MIEF2: variants seen among roughly 807,000 people sequenced by gnomAD.
MIEF2 encodes the protein mitochondrial elongation factor 2.
In MIEF2, 1 loss-of-function variant was observed where a neutral mutation model predicts 7.4. That is an observed-to-expected ratio of 0.14 (90% CI 0.05 to 0.64). The LOEUF is 0.64. MIEF2 is among the 30% of genes least tolerant of loss of function. The pLI, the probability that MIEF2 is intolerant of heterozygous loss-of-function variation, is 0.85. For missense variants in MIEF2, 569 were observed against 623.9 expected (o/e 0.91, Z 0.94); for synonymous variants, 275 against 290.5 (o/e 0.95, Z 0.54).
At position 18,264,767 on chromosome 17, in the gene MIEF2, G is replaced by T; in HGVS notation, c.*3G>T. ...AGGAGCCCGAGGGGCTGCTCTAGGTGGGTGGAAACGGGTGGTTGCCATGTT... is the reference window on the plus strand; with the variant it reads ...AGGAGCCCGAGGGGCTGCTCTAGGTTGGTGGAAACGGGTGGTTGCCATGTT... On this transcript the variant is annotated 3_prime_UTR_variant, in exon 4 of 4. Transcript: ENST00000323019. 1 of 1,589,958 alleles carries T rather than the reference G, an allele frequency of 6.3e-7. No individual in the cohort carries two copies. Among genetic ancestry groups the T allele is most frequent in the South Asian group, 1.1e-5 (1 of 90,180 alleles).
intron 3 of MIEF2, 32 bp from the exon 4 acceptor site, chr17:18,263,678 T>C (rs757826826): frequency 6.2e-5 from 94 of 1,523,114 alleles, no homozygotes; most frequent in East Asian, 1.6e-4. Flanking sequence ...CACAGGCTGT[T>C]CCGACATGTT....
At chr17:18,263,520 G>A (rs2142905197) in intron 3 of MIEF2, 190 bp from the exon 4 acceptor site, 1 of 883,768 alleles carries the variant, frequency 1.1e-6, no homozygotes, top group South Asian at 1.6e-5. Context: ...CCAGGGTGTT[G>A]GACTCTGGGG....
chr17:18,263,416 G>A (rs1426149254), intron 3 of MIEF2, 168 bp downstream of exon 3: 3 of 1,048,982 alleles, frequency 2.9e-6, no homozygotes, highest in Admixed American at 3.9e-5. Flanking sequence ...CTGGAGCAAG[G>A]TGGTAGCGTT....
Position 18,264,027 on chromosome 17 carries a change from G to A in MIEF2, c.628G>A (p.Val210Met), listed in dbSNP as rs768197641. The A allele has an allele frequency of 5.8e-6, 9 of 1,557,646 alleles. No individual in the cohort carries two copies. Among genetic ancestry groups the A allele is most frequent in the Non-Finnish European group, 7.8e-6 (9 of 1,155,200 alleles). The change falls in exon 4 of 4, where the codon GTG (valine) becomes ATG (methionine). Residue 210 changes from valine to methionine, a missense_variant. Val to Met is a conservative substitution (Grantham distance 21, BLOSUM62 1). Coordinates refer to ENST00000323019, the MANE Select transcript of MIEF2 (RefSeq NM_139162.4). ...LVLEPGLWSL[V>M]PGVDTVARDP... ...GCTGGAGCCGGGCCTGTGGAGCCTG[G>A]TGCCGGGCGTGGACACTGTGGCGAG...
In MIEF2 at chr17:18,261,140, G is replaced by A. The variant is rs948245842; in HGVS notation, c.-8+403G>A. 180 of 1,551,540 alleles carry A rather than the reference G, an allele frequency of 1.2e-4. No homozygotes were observed. Among genetic ancestry groups the A allele is most frequent in the Non-Finnish European group, 1.5e-4 (176 of 1,146,976 alleles). On this transcript the variant is annotated intron_variant, in intron 1 of 3. Transcript: ENST00000323019. ...GCCTGCGCGACCCCGCCAGAGATGG[G>A]GCTGAGTCCCAATTTAGACAGGTTG... is the stretch of plus-strand genomic sequence containing the variant.
intron 1 of MIEF2, among the ~76,000 whole-genome samples, chr17:18,261,639 C>T (rs1024293308): frequency 2.0e-5 from 3 of 152,244 alleles, no homozygotes; most frequent in African/African-American, 7.2e-5. Flanking sequence ...AGATCTTTGC[C>T]TCCACTTCCC....
In MIEF2 at chr17:18,264,036, G is replaced by A. The variant is rs772818705; in HGVS notation, c.637G>A (p.Val213Met). The change falls in exon 4 of 4, where the codon GTG becomes ATG. Residue 213 changes from valine to methionine, a missense_variant. Coordinates refer to ENST00000323019, the MANE Select transcript of MIEF2 (RefSeq NM_139162.4). ...EPGLWSLVPG[V>M]DTVARDPRCW... ...GGGCCTGTGGAGCCTGGTGCCGGGC[G>A]TGGACACTGTGGCGAGGGACCCTCG... is the stretch of plus-strand genomic sequence containing the variant. The A allele has an allele frequency of 7.7e-6, 12 of 1,554,348 alleles. No individual in the cohort carries two copies. The highest frequency in any genetic ancestry group is 2.4e-5 in the South Asian group (2 of 85,042).
intron 3 of MIEF2, chr17:18,263,509 G>T (rs376158288): frequency 2.6e-5 from 22 of 860,744 alleles, no homozygotes; most frequent in Non-Finnish European, 4.0e-5. Context: ...AGCTGTTGTC[G>T]CCAGGGTGTT....
rs888356336 is a variant in MIEF2 at position 18,263,877 on chromosome 17, C to T, written c.478C>T (p.Leu160=). The stretch of plus-strand genomic sequence containing the variant: ...GCTGGCTGGCGACATCGCCCTGGAG[C>T]TGCAGGCCTACTTTCGGAGCAAGTT... The part of the protein sequence containing the change: ...KQLAGDIALE[L]QAYFRSKFPE... The change falls in exon 4 of 4, where the codon CTG becomes TTG. Residue 160 remains leucine, a synonymous_variant. Transcript: ENST00000323019. The T allele has an allele frequency of 6.2e-7, 1 of 1,603,904 alleles. No homozygotes were observed. Among genetic ancestry groups the T allele is most frequent in the South Asian group, 1.1e-5 (1 of 91,072 alleles).
intron 1 of MIEF2, 28 bp from the exon 2 acceptor site, chr17:18,262,680 CTGAGCT>C (rs1231957164): frequency 6.5e-7 from 1 of 1,543,676 alleles, no homozygotes; most frequent in Non-Finnish European, 8.7e-7. Flanking sequence ...CCACCTGCAC[CTGAGCT>C]GCCCCTTCAC....
In MIEF2 at chr17:18,263,176, C is replaced by T. The variant is rs1445599320; in HGVS notation, c.238C>T (p.Leu80=). The T allele has an allele frequency of 6.2e-7, 1 of 1,613,636 alleles. No homozygotes were observed. Among genetic ancestry groups the T allele is most frequent in the South Asian group, 1.1e-5 (1 of 91,088 alleles). Residue 80 remains leucine, a synonymous_variant, in exon 3 of 4, where the codon CTG becomes TTG. Transcript: ENST00000323019. Reference sequence around the variant, plus strand: ...GAGCCTGCTCAAGGCCACACCACACCTGCAGCCCCGGCCTCCACCTGCTGC... The same window carrying T: ...GAGCCTGCTCAAGGCCACACCACACTTGCAGCCCCGGCCTCCACCTGCTGC... ...ELSLLKATPH[L]QPRPPPAALS...
Position 18,260,701 on chromosome 17 carries a change from T to G in MIEF2, c.-44T>G, listed in dbSNP as rs1275561705. On this transcript the variant is annotated 5_prime_UTR_variant, in exon 1 of 4. Transcript: ENST00000323019. ...CTGAGCTCCGGGGCCGTGGTCCCGCTGCCTCCTCCGGTCGTCGTGCGGAAG... is the reference window on the plus strand; with the variant it reads ...CTGAGCTCCGGGGCCGTGGTCCCGCGGCCTCCTCCGGTCGTCGTGCGGAAG... The G allele has an allele frequency of 4.9e-6, 1 of 202,904 alleles. No homozygotes were observed. Among genetic ancestry groups the G allele is most frequent in the Non-Finnish European group, 1.0e-5 (1 of 98,856 alleles). 12.6% of individuals were successfully genotyped at this position (202,904 alleles called of 1,614,324 possible). A position where few individuals can be genotyped will look rare whatever the true frequency, so the allele number is the denominator to read the frequency against.
chr17:18,263,195 C>T lies in MIEF2; in HGVS notation c.257C>T (p.Pro86Leu). ...ATPHLQPRPP[P>L]AALSQPVLPL... ...CCACACCTGCAGCCCCGGCCTCCAC[C>T]TGCTGCCCTTAGCCAGCCAGTGTTG... The change falls in exon 3 of 4, where the codon CCT (proline) becomes CTT (leucine). Residue 86 changes from proline (P) to leucine (L), a missense_variant. By Grantham distance (98) the Pro-to-Leu change is moderately conservative (BLOSUM62 -3). Transcript: ENST00000323019. 6.2e-7 allele frequency: 1 copy of T among 1,613,634 alleles called. No individual in the cohort carries two copies. The highest frequency in any genetic ancestry group is 2.2e-5 in the East Asian group (1 of 44,888).
intron 3 of MIEF2, 77 bp downstream of exon 3, chr17:18,263,325 G>A (rs779584683): frequency 6.4e-7 from 1 of 1,574,336 alleles, no homozygotes; most frequent in Non-Finnish European, 8.7e-7. Flanking sequence ...CTGACTGTGT[G>A]ACCCTGCGCG....
At chr17:18,261,850 G>A (rs183547565) in intron 1 of MIEF2, among the ~76,000 whole-genome samples, 1 of 152,222 alleles carries the variant, frequency 6.6e-6, no homozygotes, top group Non-Finnish European at 1.5e-5. Flanking sequence ...GGCCCAGAGA[G>A]CCCCCTGTAC....
In MIEF2 at chr17:18,264,788, A is replaced by G. The variant is rs374897344; in HGVS notation, c.*24A>G. The G allele has an allele frequency of 1.3e-6, 2 of 1,582,730 alleles. No homozygotes were observed. Among genetic ancestry groups the G allele is most frequent in the African/African-American group, 2.7e-5 (2 of 74,210 alleles). On this transcript the variant is annotated 3_prime_UTR_variant, in exon 4 of 4. Transcript: ENST00000323019. Reference sequence around the variant, plus strand: ...AGGTGGGTGGAAACGGGTGGTTGCCATGTTTTCTAATGCTGGGGAGCTGCA... The same window carrying G: ...AGGTGGGTGGAAACGGGTGGTTGCCGTGTTTTCTAATGCTGGGGAGCTGCA...
chr17:18,261,279 C>A, intron 1 of MIEF2: 1 of 1,263,240 alleles, frequency 7.9e-7, no homozygotes, highest in Non-Finnish European at 1.1e-6. Context: ...GCCCTGGGGC[C>A]GTGGCGGGTC....
At position 18,264,338 on chromosome 17, in the gene MIEF2, C is replaced by T. The variant is rs376368616; in HGVS notation, c.939C>T (p.Asp313=). 3.2e-5 allele frequency: 52 copies of T among 1,606,122 alleles called. No homozygotes were observed. The highest frequency in any genetic ancestry group is 2.2e-4 in the East Asian group (10 of 44,886). ...VLVAVPGVDA[D]DRLLLAWPLE... is the part of the protein sequence containing the mutation. ...TGGCAGTCCCTGGGGTCGATGCTGA[C>T]GACCGCCTCCTCTTGGCCTGGCCCC... is the stretch of plus-strand genomic sequence containing the variant. Residue 313 remains aspartate, a synonymous_variant, in exon 4 of 4, where the codon GAC becomes GAT. Coordinates refer to ENST00000323019, the MANE Select transcript of MIEF2 (RefSeq NM_139162.4).
chr17:18,263,671 A>G, intron 3 of MIEF2, 39 bp from the exon 4 acceptor site: 1 of 1,512,396 alleles, frequency 6.6e-7, no homozygotes, highest in Non-Finnish European at 8.8e-7. Context: ...AACTAATCAC[A>G]GGCTGTTCCG....
Sources: allele counts gnomAD v4.1 joint callset (sites outside exome capture counted in the v4.1 genomes callset), GRCh38; gene constraint gnomAD v4.1.1; transcripts MANE v1.5; gene names NCBI Gene and HGNC (gene_info 2026-07-23, HGNC 2026-07-21).